DOK6: variants seen among roughly 807,000 people sequenced by gnomAD.
DOK6 encodes the protein docking protein 6.
DOK6 carries 22 observed loss-of-function variants against 44.0 expected under a neutral mutation model. The ratio of observed to expected loss-of-function variants is 0.50; its 90% CI spans 0.36 to 0.71. The LOEUF (loss-of-function observed/expected upper bound fraction) is 0.71. Among genes scored for constraint, DOK6 ranks in the 30% least tolerant of loss-of-function variants. The pLI is 0.00. For missense variants in DOK6, 340 were observed against 416.4 expected (o/e 0.82, Z 1.60); for synonymous variants, 166 against 145.5 (o/e 1.14, Z -1.01).
In DOK6 at chr18:69,599,575, C is replaced by T. The variant is rs972494885; in HGVS notation, c.289+77C>T. 4 of 1,130,820 alleles carry T rather than the reference C, an allele frequency of 3.5e-6. 1 individual carries two copies. The highest frequency in any genetic ancestry group is 3.1e-5 in the African/African-American group (2 of 63,956). 70.0% of individuals were successfully genotyped at this position (1,130,820 alleles called of 1,614,324 possible). On this transcript the variant is annotated intron_variant, in intron 3 of 7. Coordinates refer to ENST00000382713, the MANE Select transcript of DOK6 (RefSeq NM_152721.6). ...ACAATGGCCCAGGCGGATTAAGGTA[C>T]ACTATTGAACAGGATGGCCTACTGT...
chr18:69,737,699 G>A (rs1978658239), intron 5 of DOK6, among the ~76,000 whole-genome samples: 1 of 152,186 alleles, frequency 6.6e-6, no homozygotes, highest in Non-Finnish European at 1.5e-5. Flanking sequence ...GTTTACAGTA[G>A]TTTTTACTTC....
intron 5 of DOK6, among the ~76,000 whole-genome samples, chr18:69,717,808 G>A (rs766944868): frequency 3.3e-5 from 5 of 152,190 alleles, no homozygotes; most frequent in Non-Finnish European, 7.3e-5. Flanking sequence ...GTGGTTGTGA[G>A]TGTGGGCTGT....
chr18:69,841,469 A>G lies in DOK6; in HGVS notation c.*86A>G, dbSNP rs1454464006. On this transcript the variant is annotated 3_prime_UTR_variant, in exon 8 of 8. Transcript: ENST00000382713. ...TTACCCTCTGCCTCCTGGAAGACCA[A>G]TTGCAGTACAAATTGAAATGGGTCG... 20 of 1,553,708 alleles carry G rather than the reference A, an allele frequency of 1.3e-5. No homozygotes were observed. Among genetic ancestry groups the G allele is most frequent in the African/African-American group, 2.7e-5 (2 of 73,468 alleles).
intron 1 of DOK6, among the ~76,000 whole-genome samples, chr18:69,458,409 G>A (rs1032932417): frequency 1.3e-5 from 2 of 152,056 alleles, no homozygotes; most frequent in Non-Finnish European, 2.9e-5. Flanking sequence ...AATAATAACA[G>A]CCTTGTATGA....
chr18:69,709,558 A>G (rs1186714073), intron 5 of DOK6, among the ~76,000 whole-genome samples: 1 of 152,138 alleles, frequency 6.6e-6, no homozygotes, highest in African/African-American at 2.4e-5. Context: ...GGTGTTAAAT[A>G]AATTCTAGAC....
intron 7 of DOK6, among the ~76,000 whole-genome samples, chr18:69,805,307 A>G (rs567138127): frequency 6.6e-6 from 1 of 152,272 alleles, no homozygotes; most frequent in Non-Finnish European, 1.5e-5. Context: ...TTTATTTCAT[A>G]GGTTGTGTCC....
intron 2 of DOK6, among the ~76,000 whole-genome samples, chr18:69,579,010 T>G (rs1412801330): frequency 2.0e-5 from 3 of 152,186 alleles, no homozygotes; most frequent in African/African-American, 7.2e-5. Context: ...TAATTGACCT[T>G]TGAAGTATCT....
chr18:69,555,019 C>T (rs1351788855), intron 1 of DOK6, among the ~76,000 whole-genome samples: 3 of 152,130 alleles, frequency 2.0e-5, no homozygotes, highest in Non-Finnish European at 4.4e-5. Flanking sequence ...TGGATATGTA[C>T]CCATTTAACA....
At chr18:69,732,997 G>C (rs954564272) in intron 5 of DOK6, among the ~76,000 whole-genome samples, 1 of 152,102 alleles carries the variant, frequency 6.6e-6, no homozygotes, top group Admixed American at 6.6e-5. Flanking sequence ...TTACAATCAT[G>C]GCAGAAGGGG....
At chr18:69,624,653 C>A (rs2077275843) in intron 3 of DOK6, among the ~76,000 whole-genome samples, 1 of 151,896 alleles carries the variant, frequency 6.6e-6, no homozygotes, top group Non-Finnish European at 1.5e-5. Flanking sequence ...CTTTTAGGAG[C>A]CAGATTTTTG....
At chr18:69,838,101 TTAA>T (rs1289036231) in intron 7 of DOK6, among the ~76,000 whole-genome samples, 1 of 152,140 alleles carries the variant, frequency 6.6e-6, no homozygotes, top group Non-Finnish European at 1.5e-5. Flanking sequence ...AAAAAAAGTG[TTAA>T]TAAGCAAAGT....
intron 2 of DOK6, among the ~76,000 whole-genome samples, chr18:69,565,578 C>G (rs1982958091): frequency 1.3e-5 from 2 of 150,908 alleles, no homozygotes; most frequent in African/African-American, 4.9e-5. Context: ...ATTGGTCTTG[C>G]TATGTTGCTG....
At chr18:69,744,892 C>T (rs1978932903) in intron 6 of DOK6, among the ~76,000 whole-genome samples, 1 of 144,238 alleles carries the variant, frequency 6.9e-6, no homozygotes, top group Non-Finnish European at 1.5e-5. Context: ...CATCATTGTA[C>T]TCCAGCCTGG....
chr18:69,471,495 G>C (rs1425058648), intron 1 of DOK6: 3 of 152,028 alleles, frequency 2.0e-5, no homozygotes, highest in Non-Finnish European at 2.9e-5. Flanking sequence ...GCCGTGGCAC[G>C]GTGCTTGGAT....
chr18:69,705,364 T>C (rs548302855), intron 5 of DOK6, among the ~76,000 whole-genome samples: 2 of 152,306 alleles, frequency 1.3e-5, no homozygotes, highest in East Asian at 3.9e-4. Flanking sequence ...TGGTTTGTTT[T>C]TGTTTTGTTT....
chr18:69,622,343 T>A (rs1984461562), intron 3 of DOK6, among the ~76,000 whole-genome samples: 1 of 152,230 alleles, frequency 6.6e-6, no homozygotes, highest in Non-Finnish European at 1.5e-5. Flanking sequence ...TGGAAACACA[T>A]CACATTGACA....
chr18:69,809,875 G>T (rs1326898113), intron 7 of DOK6, among the ~76,000 whole-genome samples: 2 of 152,014 alleles, frequency 1.3e-5, no homozygotes, highest in East Asian at 3.9e-4. Context: ...TTATGGATTG[G>T]AGGAATTAAT....
intron 2 of DOK6, among the ~76,000 whole-genome samples, chr18:69,566,135 A>AC (rs1485921213): frequency 2.0e-5 from 3 of 151,434 alleles, no homozygotes; most frequent in Non-Finnish European, 4.4e-5. Context: ...TTATTTATTT[A>AC]TTTATTTATT....
chr18:69,631,170 C>A (rs188337969), intron 3 of DOK6, among the ~76,000 whole-genome samples: 1 of 151,948 alleles, frequency 6.6e-6, no homozygotes, highest in Non-Finnish European at 1.5e-5. Flanking sequence ...CCTCCCGGAT[C>A]AAACATCAAG....
Sources: gnomAD v4.1 joint callset for allele counts (sites outside exome capture counted in the v4.1 genomes callset) on GRCh38, gnomAD v4.1.1 for gene constraint, MANE v1.5 for transcripts, NCBI Gene and HGNC (gene_info 2026-07-23, HGNC 2026-07-21) for gene names.